The following CCDC38 variants were observed in gnomAD, a reference collection of about 807,000 sequenced individuals.
CCDC38 encodes coiled-coil domain-containing protein 38.
Under a neutral mutation model 72.8 loss-of-function variants are expected in CCDC38, and 69 were observed. The ratio of observed to expected loss-of-function variants is 0.95; its 90% confidence interval spans 0.78 to 1.16. The LOEUF is 1.16. CCDC38 is among the 50% of genes most tolerant of loss of function. CCDC38 has a pLI of 0.00. For missense variants in CCDC38, 626 were observed against 638.9 expected (o/e 0.98, Z 0.22); for synonymous variants, 201 against 213.2 (o/e 0.94, Z 0.50).
chr12:95,867,381 T>C (rs1374814258), intron 15 of CCDC38, among the ~76,000 whole-genome samples, 192 bp from the exon 16 acceptor site: 1 of 152,190 alleles, frequency 6.6e-6, no homozygotes, highest in Non-Finnish European at 1.5e-5. Context: ...AGTAGCAAAC[T>C]GGACACCAAT....
Position 95,881,569 on chromosome 12 carries a change from A to G in CCDC38, c.921-15T>C, listed in dbSNP as rs1192469216. 2 of 1,601,792 alleles carry G rather than the reference A, an allele frequency of 1.2e-6. No homozygotes were observed. The highest frequency in any genetic ancestry group is 1.7e-6 in the Non-Finnish European group (2 of 1,173,220). ...TTTCAGCCAGGCTGTAAAAGAAAAA[A>G]GAAAAAGAAAATGTCTGATTTGTGA... On this transcript the variant is annotated splice_polypyrimidine_tract_variant and intron_variant, in intron 10 of 15. Coordinates refer to ENST00000344280, the MANE Select transcript of CCDC38 (RefSeq NM_182496.3).
intron 4 of CCDC38, among the ~76,000 whole-genome samples, chr12:95,907,933 C>A (rs1394019053): frequency 2.0e-5 from 3 of 150,504 alleles, no homozygotes; most frequent in African/African-American, 4.9e-5. Context: ...GGCGGCTGGG[C>A]AGAGATGCTC....
At chr12:95,908,780 C>G (rs1283558023) in intron 4 of CCDC38, among the ~76,000 whole-genome samples, 1 of 151,616 alleles carries the variant, frequency 6.6e-6, no homozygotes, top group Non-Finnish European at 1.5e-5. Flanking sequence ...TTTGGCCAAT[C>G]TACACATACC....
At chr12:95,872,790 G>A (rs1231892955) in intron 13 of CCDC38, among the ~76,000 whole-genome samples, 1 of 152,220 alleles carries the variant, frequency 6.6e-6, no homozygotes, top group Non-Finnish European at 1.5e-5. Context: ...GGCCAGGCTG[G>A]TCTTGAATTC....
Position 95,885,680 on chromosome 12 carries a change from A to C in CCDC38, c.920+2778T>G, listed in dbSNP as rs181144238. ...GGATTTGATGTCAACACCTTGAAAG[A>C]TATCACTCAAAACATAGAAGAACAA... On this transcript the variant is annotated intron_variant, in intron 10 of 15. Transcript: ENST00000344280. 2.6e-5 allele frequency: 4 copies of C among 153,572 alleles called. No homozygotes were observed. The East Asian group carries it at 7.5e-4, about 29-fold the overall frequency. 9.5% of individuals were successfully genotyped at this position (153,572 alleles called of 1,614,324 possible). A position where few individuals can be genotyped will look rare whatever the true frequency, so the allele number is the denominator to read the frequency against.
At chr12:95,930,160 C>T (rs967560445) in intron 2 of CCDC38, among the ~76,000 whole-genome samples, 6 of 152,142 alleles carry the variant, frequency 3.9e-5, no homozygotes, top group Non-Finnish European at 8.8e-5. Context: ...CAACCCGCTA[C>T]ACCAAATTTC....
At chr12:95,890,786 A>G (rs200906075) in intron 9 of CCDC38, 46 bp downstream of exon 9, 30 of 1,177,186 alleles carry the variant, frequency 2.5e-5, no homozygotes, top group Admixed American at 5.3e-5. Context: ...TTTGAGATGG[A>G]CACATTCGCA....
intron 2 of CCDC38, among the ~76,000 whole-genome samples, chr12:95,923,217 C>T (rs112761017): frequency 1.3e-5 from 2 of 152,086 alleles, no homozygotes; most frequent in Non-Finnish European, 2.9e-5. Context: ...GGGTCTCCAG[C>T]GTATAGATGG....
At chr12:95,925,599 G>C (rs538201674) in intron 2 of CCDC38, among the ~76,000 whole-genome samples, 19 of 152,292 alleles carry the variant, frequency 1.2e-4, no homozygotes, top group African/African-American at 4.1e-4. Context: ...TGGTGAGAGA[G>C]GGCATCCCTG....
intron 15 of CCDC38, among the ~76,000 whole-genome samples, chr12:95,868,018 T>C (rs2079541585): frequency 6.6e-6 from 1 of 152,212 alleles, no homozygotes; most frequent in Non-Finnish European, 1.5e-5. Context: ...AAAAATATCC[T>C]TGGGGGACTA....
chr12:95,908,906 G>T (rs1195749862), intron 4 of CCDC38, among the ~76,000 whole-genome samples: 1 of 151,876 alleles, frequency 6.6e-6, no homozygotes, highest in East Asian at 2.0e-4. Flanking sequence ...TTCTTTTCAA[G>T]CTTTTTTCAT....
chr12:95,924,796 A>G (rs1477593740), intron 2 of CCDC38, among the ~76,000 whole-genome samples: 3 of 146,788 alleles, frequency 2.0e-5, no homozygotes, highest in African/African-American at 7.5e-5. Context: ...TTAAATAGGG[A>G]ATCCTTTCCC....
chr12:95,924,333 A>G (rs1421580967), intron 2 of CCDC38, among the ~76,000 whole-genome samples: 1 of 147,290 alleles, frequency 6.8e-6, no homozygotes, highest in South Asian at 2.3e-4. Flanking sequence ...TGGCTGCATA[A>G]ATGTCTTCTT....
rs1257042744 is a variant in CCDC38 at position 95,869,499 on chromosome 12, A to G, written c.1559T>C (p.Val520Ala). ...ACAAACCTTTTTCTTTGGTTGTGCT[A>G]CTGCTTTTTCCAGAGCAGCTTTTAG... ...ERLKAALEKA[V>A]AQPKKKLGRR... Residue 520 changes from valine (V) to alanine (A), a missense_variant, in exon 15 of 16, where the codon GTA becomes GCA. Transcript: ENST00000344280. 4 of 1,613,298 alleles carry G rather than the reference A, an allele frequency of 2.5e-6. No homozygotes were observed. The African/African-American group carries it at 5.3e-5, about 22-fold the overall frequency.
At chr12:95,910,635 G>A (rs1443998817) in intron 4 of CCDC38, among the ~76,000 whole-genome samples, 1 of 152,236 alleles carries the variant, frequency 6.6e-6, no homozygotes, top group Non-Finnish European at 1.5e-5. Context: ...GCCAAGGTGG[G>A]AGGATTGCTT....
At chr12:95,908,307 G>C (rs184921806) in intron 4 of CCDC38, among the ~76,000 whole-genome samples, 13,376 of 150,038 alleles carry the variant, frequency 0.089, 759 homozygotes, top group Non-Finnish European at 0.12. Context: ...CCAAAAAATA[G>C]GAAAACCAGT....
chr12:95,932,060 G>T (rs548801466), intron 2 of CCDC38, among the ~76,000 whole-genome samples: 1 of 152,166 alleles, frequency 6.6e-6, no homozygotes, highest in South Asian at 2.1e-4. Context: ...GTATCTTGTA[G>T]GCAGTCTTGA....
intron 13 of CCDC38, among the ~76,000 whole-genome samples, chr12:95,876,811 A>C (rs912318256): frequency 3.3e-5 from 5 of 152,182 alleles, no homozygotes; most frequent in Non-Finnish European, 7.3e-5. Flanking sequence ...TTCTGTTTGA[A>C]AATCAAGTTC....
At chr12:95,878,918 G>A (rs1480814671) in intron 12 of CCDC38, among the ~76,000 whole-genome samples, 1 of 152,152 alleles carries the variant, frequency 6.6e-6, no homozygotes, top group Admixed American at 6.5e-5. Context: ...TTTTTATTTA[G>A]ATTCTTCTGA....
Sources: gnomAD v4.1 joint callset for allele counts (sites outside exome capture counted in the v4.1 genomes callset) on GRCh38, gnomAD v4.1.1 for gene constraint, MANE v1.5 for transcripts, NCBI Gene and HGNC (gene_info 2026-07-23, HGNC 2026-07-21) for gene names.